ARHGEF37: variants seen among roughly 807,000 people sequenced by gnomAD.
ARHGEF37 encodes Rho guanine nucleotide exchange factor (GEF) 37.
Under a neutral mutation model 71.1 loss-of-function variants are expected in ARHGEF37, and 55 were observed. The ratio of observed to expected loss-of-function variants is 0.77; its 90% CI spans 0.62 to 0.97. The LOEUF (loss-of-function observed/expected upper bound fraction) is 0.97. Ranked by LOEUF, ARHGEF37 falls within the 50% of genes least tolerant of loss-of-function variation. The pLI, the probability that ARHGEF37 is intolerant of heterozygous loss-of-function variation, is 0.00. For synonymous variants in ARHGEF37, 327 were observed against 350.6 expected, an observed-to-expected ratio of 0.93 and a Z score of 0.75; for missense variants, 765 against 836.8, an observed-to-expected ratio of 0.91 and a Z score of 1.06.
intron 11 of ARHGEF37, among the ~76,000 whole-genome samples, chr5:149,628,116 C>T (rs1385214363): frequency 1.4e-4 from 21 of 152,138 alleles, no homozygotes; most frequent in Non-Finnish European, 2.5e-4. Context: ...AACCACAGAA[C>T]GGGTATTAAG....
At chr5:149,564,781 G>A (rs1762879992) in intron 1 of ARHGEF37, among the ~76,000 whole-genome samples, 1 of 152,070 alleles carries the variant, frequency 6.6e-6, no homozygotes, top group African/African-American at 2.4e-5. Flanking sequence ...CCGAGATCGC[G>A]CCATTGCACT....
chr5:149,554,791 C>T (rs375815595), intron 1 of ARHGEF37, among the ~76,000 whole-genome samples: 27 of 152,090 alleles, frequency 1.8e-4, no homozygotes, highest in African/African-American at 6.5e-4. Flanking sequence ...GTTAAAGTCA[C>T]AAATCATTCT....
Position 149,628,860 on chromosome 5 carries a change from C to G in ARHGEF37, c.1712C>G (p.Pro571Arg), listed in dbSNP as rs377386792. Residue 571 changes from proline to arginine, a missense_variant, in exon 12 of 13, where the codon CCC (proline) becomes CGC (arginine). By Grantham distance (103) the Pro-to-Arg change is moderately radical. This residue lies in a region of ARHGEF37 where 390 missense variants were observed against 407.4 expected (regional missense o/e 0.96). Coordinates refer to ENST00000333677, the MANE Select transcript of ARHGEF37 (RefSeq NM_001001669.3). ...AGKLQLYHVV[P>R]SAEELRRQAG... The stretch of plus-strand genomic sequence containing the variant: ...AAACTACAGCTGTACCATGTGGTCC[C>G]CAGTGCAGAGGAGCTCAGAAGGCAG... The G allele has an allele frequency of 5.3e-5, 86 of 1,613,664 alleles. No individual in the cohort carries two copies. Among genetic ancestry groups the G allele is most frequent in the Non-Finnish European group, 6.9e-5 (81 of 1,179,988 alleles).
At position 149,627,175 on chromosome 5, in the gene ARHGEF37, A is replaced by T; in HGVS notation, c.1564A>T (p.Thr522Ser). ...QVTSNISGTGTLDLTLPRGQI... is the reference protein window; with the variant it reads ...QVTSNISGTGSLDLTLPRGQI... ...GACAAGCAACATCAGTGGGACTGGG[A>T]CTCTGGACCTGACTCTGCCTCGGGG... Residue 522 changes from threonine (T) to serine (S), a missense_variant, in exon 11 of 13, where the codon ACT becomes TCT. Thr to Ser is a moderately conservative substitution (Grantham distance 58, BLOSUM62 1). Around this residue, in one of 5 missense-constraint regions of ARHGEF37, gnomAD observed 390 missense variants for 407.4 expected, o/e 0.96. Transcript: ENST00000333677. 6.2e-7 allele frequency: 1 copy of T among 1,614,050 alleles called. No homozygotes were observed.
intron 8 of ARHGEF37, among the ~76,000 whole-genome samples, chr5:149,620,872 A>G (rs566370225): frequency 6.6e-6 from 1 of 151,778 alleles, no homozygotes; most frequent in South Asian, 2.1e-4. Context: ...CACATCTGTA[A>G]TCTTCCTGAG....
At chr5:149,606,655 G>T (rs757779672) in intron 3 of ARHGEF37, 1 of 152,118 alleles carries the variant, frequency 6.6e-6, no homozygotes, top group Admixed American at 6.6e-5. Context: ...GGAACGCTTC[G>T]CAAATTTGCA....
Position 149,602,738 on chromosome 5 carries a change from G to A in ARHGEF37, c.310+1507G>A, listed in dbSNP as rs371035877. 4.6e-5 allele frequency among the ~76,000 whole-genome samples: 7 copies of A among 152,236 alleles called. 1 individual carries two copies. The highest frequency in any genetic ancestry group is 1.7e-4 in the African/African-American group (7 of 41,532). The stretch of plus-strand genomic sequence containing the variant: ...CATCTGCTGCCAGGATTCCCATGGT[G>A]AGGGATTTCCTAGTGGAGTCAGGAG... On this transcript the variant is annotated intron_variant, in intron 3 of 12. Coordinates refer to ENST00000333677, the MANE Select transcript of ARHGEF37 (RefSeq NM_001001669.3).
chr5:149,617,882 C>T (rs964832644), intron 5 of ARHGEF37, among the ~76,000 whole-genome samples: 2 of 152,180 alleles, frequency 1.3e-5, no homozygotes, highest in African/African-American at 4.8e-5. Flanking sequence ...GACCCTCTGT[C>T]TTAGGTGACT....
chr5:149,569,429 C>CA (rs1313880737), intron 1 of ARHGEF37, among the ~76,000 whole-genome samples: 1 of 152,108 alleles, frequency 6.6e-6, no homozygotes, highest in East Asian at 1.9e-4. Context: ...AAGCGATTCT[C>CA]CTGCCTCAGC....
At chr5:149,580,551 G>C (rs959658336), upstream of ARHGEF37, among the ~76,000 whole-genome samples, 1 of 152,078 alleles carries the variant, frequency 6.6e-6, no homozygotes, top group African/African-American at 2.4e-5. Flanking sequence ...TGTGTGTCAT[G>C]GGCAAGTTAT....
At chr5:149,584,964 G>A (rs1763194540) in intron 1 of ARHGEF37, among the ~76,000 whole-genome samples, 1 of 152,170 alleles carries the variant, frequency 6.6e-6, no homozygotes, top group Non-Finnish European at 1.5e-5. Context: ...TATATAATGA[G>A]CAAGAGCCTC....
Position 149,616,729 on chromosome 5 carries a change from C to T in ARHGEF37, c.621C>T (p.Asn207=). 2 of 1,613,182 alleles carry T rather than the reference C, an allele frequency of 1.2e-6. No individual in the cohort carries two copies. The highest frequency in any genetic ancestry group is 1.7e-6 in the Non-Finnish European group (2 of 1,179,240). The part of the protein sequence containing the change: ...QRAVSALQDV[N]TNINEYKMRK... ...CTGTCTCTGCCCTCCAGGACGTGAA[C>T]ACCAATATCAATGAGTACAAGATGC... The change falls in exon 5 of 13, where the codon AAC becomes AAT. Residue 207 remains asparagine (N), a synonymous_variant. Coordinates refer to ENST00000333677, the MANE Select transcript of ARHGEF37 (RefSeq NM_001001669.3).
rs181643237 is a variant in ARHGEF37, at chr5:149,601,533, C to T, written c.310+302C>T. ...GTCTCTTTCACATTCATTCATCCAACGGTTATTTAATGAGCACCTGCAGTG... is the reference window on the plus strand; with the variant it reads ...GTCTCTTTCACATTCATTCATCCAATGGTTATTTAATGAGCACCTGCAGTG... On this transcript the variant is annotated intron_variant, in intron 3 of 12. Coordinates refer to ENST00000333677, the MANE Select transcript of ARHGEF37 (RefSeq NM_001001669.3). Among the ~76,000 whole-genome samples the T allele has an allele frequency of 2.6e-4, 40 of 152,322 alleles. 1 individual carries two copies. The highest frequency in any genetic ancestry group is 2.3e-3 in the Admixed American group (35 of 15,304).
chr5:149,556,417 C>T (rs754075175), intron 1 of ARHGEF37, among the ~76,000 whole-genome samples: 4 of 143,522 alleles, frequency 2.8e-5, no homozygotes, highest in Non-Finnish European at 4.5e-5. Flanking sequence ...GATGGAGTCT[C>T]GCTCTTGTTG....
intron 1 of ARHGEF37, among the ~76,000 whole-genome samples, chr5:149,570,618 C>T (rs1762952024): frequency 1.3e-5 from 2 of 151,592 alleles, no homozygotes; most frequent in Admixed American, 1.3e-4. Context: ...TGGCTCACAC[C>T]TGTAATCCCA....
chr5:149,630,387 G>A (rs894815616), intron 12 of ARHGEF37, among the ~76,000 whole-genome samples: 2 of 152,136 alleles, frequency 1.3e-5, no homozygotes, highest in Admixed American at 1.3e-4. Context: ...GGCAGGGGGT[G>A]TACCACAGGG....
At chr5:149,556,869 G>A (rs1762763826) in intron 1 of ARHGEF37, among the ~76,000 whole-genome samples, 1 of 152,170 alleles carries the variant, frequency 6.6e-6, no homozygotes, top group Non-Finnish European at 1.5e-5. Flanking sequence ...CATCAGATAA[G>A]GGAATTCATG....
At chr5:149,562,234 A>G (rs1317012092) in intron 1 of ARHGEF37, among the ~76,000 whole-genome samples, 1 of 152,172 alleles carries the variant, frequency 6.6e-6, no homozygotes, top group African/African-American at 2.4e-5. Flanking sequence ...CAAAAAAAGA[A>G]CTTTGGGTTT....
intron 1 of ARHGEF37, among the ~76,000 whole-genome samples, chr5:149,563,357 C>G (rs1762860311): frequency 6.6e-6 from 1 of 152,202 alleles, no homozygotes; most frequent in South Asian, 2.1e-4. Flanking sequence ...TGTGTGTGTT[C>G]TGTAGGCCAG....
Sources: gnomAD v4.1 joint callset for allele counts (sites outside exome capture counted in the v4.1 genomes callset) on GRCh38, gnomAD v4.1.1 for gene constraint, gnomAD v4.1.1 regional missense constraint, MANE v1.5 for transcripts, NCBI Gene and HGNC (gene_info 2026-07-23, HGNC 2026-07-21) for gene names.